ATP11A: variants seen among roughly 807,000 people sequenced by gnomAD.
ATP11A encodes the protein ATPase phospholipid transporting 11A.
A neutral mutation model predicts 154.4 loss-of-function variants in ATP11A; 81 were observed. The ratio of observed to expected loss-of-function variants is 0.52; its 90% CI spans 0.44 to 0.63. The LOEUF (loss-of-function observed/expected upper bound fraction) is 0.63. ATP11A is among the 30% of genes least tolerant of loss of function. The pLI, the probability that ATP11A is intolerant of heterozygous loss-of-function variation, is 0.00. For missense variants in ATP11A, 1,316 were observed against 1,474.3 expected, an observed-to-expected ratio of 0.89 and a Z score of 1.76; for synonymous variants, 623 against 585.9, an observed-to-expected ratio of 1.06 and a Z score of -0.91.
intron 25 of ATP11A, among the ~76,000 whole-genome samples, chr13:112,867,974 A>G (rs899489287): frequency 6.6e-6 from 1 of 152,250 alleles, no homozygotes; most frequent in African/African-American, 2.4e-5. Context: ...CTATAGGAAT[A>G]TCTATAGATC....
chr13:112,716,207 A>G (rs1349290993), intron 1 of ATP11A, among the ~76,000 whole-genome samples: 1 of 152,132 alleles, frequency 6.6e-6, no homozygotes, highest in African/African-American at 2.4e-5. Flanking sequence ...AGAAGCATCC[A>G]CCGTGGTGGG....
At chr13:112,821,094 T>C (rs1001074860) in intron 8 of ATP11A, among the ~76,000 whole-genome samples, 4 of 152,214 alleles carry the variant, frequency 2.6e-5, no homozygotes, top group African/African-American at 9.6e-5. Flanking sequence ...CTCCTTACTT[T>C]GGAGAAATCT....
intron 11 of ATP11A, 142 bp from the exon 12 acceptor site, chr13:112,826,552 C>T: frequency 1.4e-6 from 1 of 725,278 alleles, no homozygotes; most frequent in Non-Finnish European, 2.4e-6. Context: ...CGCCCATAGT[C>T]CTTGTCTTTG....
rs2080067398 is a variant in ATP11A at position 112,860,400 on chromosome 13, C to T, written c.2841C>T (p.Asp947=). 1 of 1,614,032 alleles carries T rather than the reference C, an allele frequency of 6.2e-7. No individual in the cohort carries two copies. Among genetic ancestry groups the T allele is most frequent in the African/African-American group, 1.3e-5 (1 of 74,912 alleles). The part of the protein sequence containing the change: ...QHVGIDVLKR[D]PTLYRDVAKN... ...TTGGCATTGACGTGCTCAAGAGAGACCCGACCCTGTACAGGTACCATCCTC... is the reference window on the plus strand; with the variant it reads ...TTGGCATTGACGTGCTCAAGAGAGATCCGACCCTGTACAGGTACCATCCTC... Residue 947 remains aspartate (D), a synonymous_variant, in exon 24 of 30, where the codon GAC becomes GAT. Transcript: ENST00000375645.
At chr13:112,831,897 C>T (rs115408048) in intron 13 of ATP11A, among the ~76,000 whole-genome samples, 1,881 of 152,082 alleles carry the variant, frequency 0.012, 28 homozygotes, top group African/African-American at 0.043. Flanking sequence ...CAGACACACG[C>T]ACTCACACAT....
intron 1 of ATP11A, among the ~76,000 whole-genome samples, chr13:112,743,947 G>A (rs756118661): frequency 6.6e-6 from 1 of 152,206 alleles, no homozygotes; most frequent in Non-Finnish European, 1.5e-5. Context: ...ATTTGGTTTT[G>A]ATTGAACCAA....
intron 1 of ATP11A, among the ~76,000 whole-genome samples, chr13:112,707,222 C>T (rs747131896): frequency 6.6e-6 from 1 of 152,076 alleles, no homozygotes; most frequent in Non-Finnish European, 1.5e-5. Context: ...TTGAGACCAG[C>T]CTGGCCAACA....
At chr13:112,704,582 TC>T (rs1886942027) in intron 1 of ATP11A, among the ~76,000 whole-genome samples, 1 of 152,146 alleles carries the variant, frequency 6.6e-6, no homozygotes, top group African/African-American at 2.4e-5. Flanking sequence ...GCTGGGGGTG[TC>T]CCCCTCCCTC....
At chr13:112,829,841 T>C (rs1209105660) in intron 12 of ATP11A, among the ~76,000 whole-genome samples, 1 of 152,232 alleles carries the variant, frequency 6.6e-6, no homozygotes, top group African/African-American at 2.4e-5. Flanking sequence ...ATTCACTAAA[T>C]TTGCAGGATA....
intron 28 of ATP11A, among the ~76,000 whole-genome samples, chr13:112,877,354 C>G (rs1465663633): frequency 6.6e-6 from 1 of 152,344 alleles, no homozygotes. Flanking sequence ...GTGGTTTTCT[C>G]TAAGCACGGT....
chr13:112,805,329 G>A (rs2078290653), intron 3 of ATP11A, among the ~76,000 whole-genome samples: 1 of 152,150 alleles, frequency 6.6e-6, no homozygotes. Flanking sequence ...GTCATCATTT[G>A]GACAAGTTCA....
chr13:112,735,625 CA>C (rs1743429893), intron 1 of ATP11A, among the ~76,000 whole-genome samples: 1 of 152,122 alleles, frequency 6.6e-6, no homozygotes, highest in Non-Finnish European at 1.5e-5. Context: ...GTTTTGGTTG[CA>C]TTGTGTAGAG....
intron 1 of ATP11A, among the ~76,000 whole-genome samples, chr13:112,765,151 T>C (rs1001521): frequency 0.11 from 12,847 of 119,480 alleles, 330 homozygotes; most frequent in African/African-American, 0.2. Context: ...TTGCCCCCCC[T>C]CCCCCCCGCC....
intron 15 of ATP11A, among the ~76,000 whole-genome samples, chr13:112,835,734 C>T (rs1017812722): frequency 6.6e-6 from 1 of 152,240 alleles, no homozygotes; most frequent in African/African-American, 2.4e-5. Context: ...TCTGAGTCTT[C>T]CGGTAACAGG....
In ATP11A at chr13:112,786,664, G is replaced by A. The variant is rs1278165029; in HGVS notation, c.162+1407G>A. Among the ~76,000 whole-genome samples, 10 of 147,678 alleles carry A rather than the reference G, an allele frequency of 6.8e-5. No homozygotes were observed. In the South Asian group the frequency reaches 1.7e-3, roughly 25 times the overall value. ...CTGTGCTTTCCAGGTAATGCGGAACGCACGTGCCTGCATTCAGACTCCATT... is the reference window on the plus strand; with the variant it reads ...CTGTGCTTTCCAGGTAATGCGGAACACACGTGCCTGCATTCAGACTCCATT... On this transcript the variant is annotated intron_variant, in intron 2 of 29. Transcript: ENST00000375645.
intron 2 of ATP11A, among the ~76,000 whole-genome samples, chr13:112,803,996 C>CT (rs1238561793): frequency 3.5e-5 from 2 of 57,846 alleles, no homozygotes; most frequent in East Asian, 4.6e-4. Flanking sequence ...CATTCCCCTC[C>CT]TTCCCTCCTT....
intron 25 of ATP11A, among the ~76,000 whole-genome samples, 174 bp from the exon 26 acceptor site, chr13:112,871,561 G>C (rs1244644912): frequency 6.6e-6 from 1 of 152,138 alleles, no homozygotes; most frequent in Non-Finnish European, 1.5e-5. Context: ...CCGTGCTCTG[G>C]GGAGTTGCTG....
intron 1 of ATP11A, among the ~76,000 whole-genome samples, chr13:112,734,821 C>T (rs140886301): frequency 9.6e-4 from 146 of 152,270 alleles, no homozygotes; most frequent in African/African-American, 3.3e-3. Context: ...GCAGGTGCCT[C>T]CTCCTGAGGC....
rs765577238 is a variant in ATP11A at position 112,873,687 on chromosome 13, G to C, written c.3161+11G>C. ...GGGAGGAGTGATCTGGTAAATATCT[G>C]ATAAGTAGCTGATAATCTGATAAAT... On this transcript the variant is annotated intron_variant, in intron 27 of 29. Transcript: ENST00000375645. The C allele has an allele frequency of 6.3e-7, 1 of 1,593,954 alleles. No individual in the cohort carries two copies. The highest frequency in any genetic ancestry group is 8.6e-7 in the Non-Finnish European group (1 of 1,162,018).
Sources: gnomAD v4.1 joint callset for allele counts (sites outside exome capture counted in the v4.1 genomes callset) on GRCh38, gnomAD v4.1.1 for gene constraint, MANE v1.5 for transcripts, NCBI Gene and HGNC (gene_info 2026-07-23, HGNC 2026-07-21) for gene names.